The following RAB11FIP4 variants were observed in gnomAD, a reference collection of about 807,000 sequenced individuals.
RAB11FIP4 encodes RAB11 family interacting protein 4.
Under a neutral mutation model 74.3 loss-of-function variants are expected in RAB11FIP4, and 23 were observed. That is an observed-to-expected ratio of 0.31 (90% CI 0.22 to 0.44). The LOEUF (loss-of-function observed/expected upper bound fraction) is 0.44. RAB11FIP4 is among the 20% of genes least tolerant of loss of function. The probability of loss-of-function intolerance (pLI) is 1.00; values close to 1 mark genes in which losing one functional copy is unlikely to be tolerated. For missense variants in RAB11FIP4, 630 were observed against 863.9 expected (o/e 0.73, Z 3.39); for synonymous variants, 360 against 359.9 (o/e 1.00, Z 0.00).
At chr17:31,428,419 C>T (rs1265824532) in intron 1 of RAB11FIP4, among the ~76,000 whole-genome samples, 1 of 152,160 alleles carries the variant, frequency 6.6e-6, no homozygotes, top group East Asian at 1.9e-4. Context: ...GAGCAGTTTC[C>T]TGCATGCTGT....
chr17:31,467,523 GT>G (rs1162116345), intron 3 of RAB11FIP4, among the ~76,000 whole-genome samples: 1 of 152,166 alleles, frequency 6.6e-6, no homozygotes, highest in Non-Finnish European at 1.5e-5. Context: ...TCTTCTCTGA[GT>G]GGTTCTGATG....
chr17:31,458,194 G>A (rs769180344), intron 3 of RAB11FIP4, among the ~76,000 whole-genome samples: 3 of 152,142 alleles, frequency 2.0e-5, no homozygotes, highest in Non-Finnish European at 4.4e-5. Context: ...CTCAGAATGC[G>A]GGCTGAGTCC....
At chr17:31,507,748 C>T (rs1384355325) in intron 3 of RAB11FIP4, among the ~76,000 whole-genome samples, 1 of 152,174 alleles carries the variant, frequency 6.6e-6, no homozygotes, top group Non-Finnish European at 1.5e-5. Flanking sequence ...CTGCCTCAGC[C>T]TCCCAAATAG....
At chr17:31,503,036 T>G (rs76754194) in intron 3 of RAB11FIP4, among the ~76,000 whole-genome samples, 1 of 151,430 alleles carries the variant, frequency 6.6e-6, no homozygotes, top group South Asian at 2.1e-4. Context: ...TTATTATTAT[T>G]TTGTTGTTTG....
intron 3 of RAB11FIP4, among the ~76,000 whole-genome samples, chr17:31,456,681 C>G (rs1052528404): frequency 6.6e-6 from 1 of 152,282 alleles, no homozygotes; most frequent in African/African-American, 2.4e-5. Flanking sequence ...TAAAATCTGC[C>G]TTTCCATTTA....
chr17:31,435,248 G>T lies in RAB11FIP4; in HGVS notation c.336+1126G>T, dbSNP rs150642575. ...GCCCCTCTCCTCTGCCTGGAGGTTG[G>T]GGGTAGGTGGGAAGGTGAGAAAGTT... is the stretch of plus-strand genomic sequence containing the variant. On this transcript the variant is annotated intron_variant, in intron 3 of 14. Transcript: ENST00000621161. 3.4e-4 allele frequency among the ~76,000 whole-genome samples: 52 copies of T among 152,254 alleles called. No homozygotes were observed. The East Asian group carries it at 9.3e-3, about 27-fold the overall frequency.
At chr17:31,505,666 TA>T (rs1404708971) in intron 3 of RAB11FIP4, among the ~76,000 whole-genome samples, 831 of 78,452 alleles carry the variant, frequency 0.011, 31 homozygotes, top group African/African-American at 0.032. Flanking sequence ...AATAATTATA[TA>T]ATACATAATT....
chr17:31,445,384 C>A lies in RAB11FIP4; in HGVS notation c.336+11262C>A, dbSNP rs565468769. 3.3e-5 allele frequency among the ~76,000 whole-genome samples: 5 copies of A among 151,408 alleles called. No individual in the cohort carries two copies. The South Asian group carries it at 1.0e-3, about 32-fold the overall frequency. On this transcript the variant is annotated intron_variant, in intron 3 of 14. Transcript: ENST00000621161. ...TTCTGGACCATTTGAAAGTTAGTTG[C>A]GGACATGACACTTCATCCTTAAATA...
At chr17:31,442,688 G>A (rs570061464) in intron 3 of RAB11FIP4, among the ~76,000 whole-genome samples, 4 of 152,272 alleles carry the variant, frequency 2.6e-5, no homozygotes, top group South Asian at 2.1e-4. Flanking sequence ...GGCTGGGCGC[G>A]GTGGCTCATG....
chr17:31,521,401 G>A, intron 5 of RAB11FIP4, 41 bp downstream of exon 5: 1 of 1,547,542 alleles, frequency 6.5e-7, no homozygotes, highest in African/African-American at 1.4e-5. Flanking sequence ...GTCAAAAGTT[G>A]CAGAAGCAAT....
At chr17:31,464,712 A>G (rs2142721379) in intron 3 of RAB11FIP4, among the ~76,000 whole-genome samples, 1 of 142,674 alleles carries the variant, frequency 7.0e-6, no homozygotes, top group Non-Finnish European at 1.5e-5. Context: ...CGGCCTCCCA[A>G]AGTGCTGGGA....
chr17:31,497,925 C>T (rs534073279), intron 3 of RAB11FIP4, among the ~76,000 whole-genome samples: 2 of 152,230 alleles, frequency 1.3e-5, no homozygotes, highest in East Asian at 3.9e-4. Context: ...GTCAGAGATT[C>T]GAAGCCCCCT....
At chr17:31,507,588 G>T (rs1308923613) in intron 3 of RAB11FIP4, among the ~76,000 whole-genome samples, 4 of 151,986 alleles carry the variant, frequency 2.6e-5, no homozygotes, top group African/African-American at 9.7e-5. Flanking sequence ...ATGTATTCTG[G>T]CTATCAGTCA....
chr17:31,493,790 G>A (rs754662307), intron 3 of RAB11FIP4, among the ~76,000 whole-genome samples: 3 of 152,074 alleles, frequency 2.0e-5, no homozygotes, highest in Non-Finnish European at 4.4e-5. Flanking sequence ...CACTCCCTCT[G>A]CCTGTGGGCA....
chr17:31,521,325 C>G lies in RAB11FIP4; in HGVS notation c.723C>G (p.Asn241Lys). The change falls in exon 5 of 15, where the codon AAC (asparagine) becomes AAG (lysine). Residue 241 changes from asparagine to lysine, a missense_variant. By Grantham distance (94) the Asn-to-Lys change is moderately conservative. Transcript: ENST00000621161. ...SPCPDDETRT[N>K]VYSDLGSSVS... ...GCCCCGATGATGAGACCAGGACCAA[C>G]GTCTACTCGGACCTGGGGTCTTCGG... 6.2e-7 allele frequency: 1 copy of G among 1,613,324 alleles called. No homozygotes were observed. The highest frequency in any genetic ancestry group is 8.5e-7 in the Non-Finnish European group (1 of 1,179,524).
intron 1 of RAB11FIP4, among the ~76,000 whole-genome samples, chr17:31,426,262 G>C (rs542088552): frequency 6.6e-6 from 1 of 152,056 alleles, no homozygotes; most frequent in African/African-American, 2.4e-5. Flanking sequence ...ACTACAGGTG[G>C]GCAAAAATTT....
rs201874894 is a variant in RAB11FIP4, at chr17:31,507,830, ATTTTAT to A, written c.337-9817_337-9812del. The stretch of plus-strand genomic sequence containing the variant: ...AATATGTTTTGTTTTATTTTATTTT[ATTTTAT>A]TTTAACTAATTTATTTTTAGACAGG... On this transcript the variant is annotated intron_variant, in intron 3 of 14. Coordinates refer to ENST00000621161, the MANE Select transcript of RAB11FIP4 (RefSeq NM_032932.6). 7.9e-5 allele frequency among the ~76,000 whole-genome samples: 12 copies of A among 151,836 alleles called. No individual in the cohort carries two copies. In the East Asian group the frequency reaches 2.3e-3, roughly 29 times the overall value.
chr17:31,436,979 A>G (rs2071364629), intron 3 of RAB11FIP4, among the ~76,000 whole-genome samples: 1 of 150,874 alleles, frequency 6.6e-6, no homozygotes, highest in African/African-American at 2.4e-5. Flanking sequence ...TTTAGTAGAG[A>G]TGGGGTTTCA....
chr17:31,500,557 C>G (rs923854751), intron 3 of RAB11FIP4, among the ~76,000 whole-genome samples: 3 of 152,250 alleles, frequency 2.0e-5, no homozygotes, highest in Non-Finnish European at 4.4e-5. Context: ...CTGATTTATT[C>G]TCTTGTAAAG....
Sources: gnomAD v4.1 joint callset for allele counts (sites outside exome capture counted in the v4.1 genomes callset) on GRCh38, gnomAD v4.1.1 for gene constraint, MANE v1.5 for transcripts, NCBI Gene and HGNC (gene_info 2026-07-23, HGNC 2026-07-21) for gene names.